Variants in ADK observed in about 807,000 individuals in gnomAD.
The protein encoded by ADK is adenosine kinase, also known as N6,N6-dimethyladenosine kinase.
A neutral mutation model predicts 44.7 loss-of-function variants in ADK; 24 were observed. The ratio of observed to expected loss-of-function variants is 0.54; its 90% CI spans 0.39 to 0.76. The LOEUF is 0.76. Ranked by LOEUF, ADK falls within the 30% of genes least tolerant of loss-of-function variation. The probability of loss-of-function intolerance (pLI) is 0.00; values close to 1 mark genes in which losing one functional copy is unlikely to be tolerated. For missense variants in ADK, 321 were observed against 425.1 expected, an observed-to-expected ratio of 0.76 and a Z score of 2.15; for synonymous variants, 128 against 142.6, an observed-to-expected ratio of 0.90 and a Z score of 0.73.
rs182715120 is a variant in ADK, at chr10:74,350,983, G to T, written c.273+36238G>T. Among the ~76,000 whole-genome samples the T allele has an allele frequency of 3.3e-5, 5 of 152,226 alleles. No individual in the cohort carries two copies. In the East Asian group the frequency reaches 9.7e-4, roughly 29 times the overall value. On this transcript the variant is annotated intron_variant, in intron 4 of 10. Coordinates refer to ENST00000539909, the MANE Select transcript of ADK (RefSeq NM_006721.4). ...CCCAGGACCATACAGATTCACATCC[G>T]AATTCTACCAGAGGTTCAAAGAGGA...
intron 3 of ADK, among the ~76,000 whole-genome samples, chr10:74,240,672 T>C (rs533762317): frequency 2.6e-5 from 4 of 152,196 alleles, no homozygotes; most frequent in African/African-American, 4.8e-5. Context: ...GAGAACCTAG[T>C]GTGTGATAAC....
chr10:74,296,140 T>TA lies in ADK; in HGVS notation c.195-18520dup, dbSNP rs1261035886. ...CTTACCCTAACCCTACAGTTGTTTT[T>TA]AAAAAAAGATTCTTGAGATGGATAC... On this transcript the variant is annotated intron_variant, in intron 3 of 10. Coordinates refer to ENST00000539909, the MANE Select transcript of ADK (RefSeq NM_006721.4). Among the ~76,000 whole-genome samples, 154 of 151,902 alleles carry TA rather than the reference T, an allele frequency of 1.0e-3. 1 individual carries two copies. Among genetic ancestry groups the TA allele is most frequent in the African/African-American group, 3.4e-3 (142 of 41,486 alleles).
intron 2 of ADK, among the ~76,000 whole-genome samples, chr10:74,217,625 T>G (rs1362738496): frequency 6.6e-6 from 1 of 152,036 alleles, no homozygotes; most frequent in African/African-American, 2.4e-5. Context: ...CACCCCCCAG[T>G]AGGAGCAGAC....
chr10:74,266,576 A>G (rs1407222332), intron 3 of ADK, among the ~76,000 whole-genome samples: 1 of 151,126 alleles, frequency 6.6e-6, no homozygotes, highest in Admixed American at 6.6e-5. Context: ...AAAAAAGAAG[A>G]AAAAAAAAGG....
chr10:74,554,265 T>A (rs1850154269), intron 7 of ADK, among the ~76,000 whole-genome samples: 1 of 152,172 alleles, frequency 6.6e-6, no homozygotes, highest in South Asian at 2.1e-4. Flanking sequence ...ATATGTGTAT[T>A]ACAAAGTATA....
At position 74,315,976 on chromosome 10, in the gene ADK, G is replaced by A. The variant is rs572388453; in HGVS notation, c.273+1231G>A. Among the ~76,000 whole-genome samples, 176 of 152,192 alleles carry A rather than the reference G, an allele frequency of 1.2e-3. 4 individuals carry two copies. The South Asian group carries it at 0.035, about 31-fold the overall frequency. On this transcript the variant is annotated intron_variant, in intron 4 of 10. Transcript: ENST00000539909. ...TTTACGGCCAGGCACGGTGGCTCAC[G>A]CCTGTAATCCCAGCACTTTGGGAAG...
intron 3 of ADK, among the ~76,000 whole-genome samples, chr10:74,238,494 T>A (rs905490227): frequency 2.6e-5 from 4 of 152,212 alleles, no homozygotes; most frequent in African/African-American, 9.7e-5. Context: ...TCTGGTATCG[T>A]AATTATTCCT....
chr10:74,558,148 CTTTATCA>C (rs1850329106), intron 7 of ADK, among the ~76,000 whole-genome samples: 1 of 152,116 alleles, frequency 6.6e-6, no homozygotes, highest in African/African-American at 2.4e-5. Flanking sequence ...TTCAGTTTCC[CTTTATCA>C]AAGGTCTATG....
chr10:74,448,092 G>C (rs915939042), intron 6 of ADK, among the ~76,000 whole-genome samples: 1 of 152,124 alleles, frequency 6.6e-6, no homozygotes, highest in African/African-American at 2.4e-5. Flanking sequence ...AGAATTGCTT[G>C]AACCCTGGAG....
chr10:74,295,932 A>T (rs1839794671), intron 3 of ADK, among the ~76,000 whole-genome samples: 1 of 152,060 alleles, frequency 6.6e-6, no homozygotes, highest in South Asian at 2.1e-4. Flanking sequence ...ATGACCTATC[A>T]TTTCTGCTAA....
chr10:74,644,636 C>T (rs1427872192), intron 9 of ADK, among the ~76,000 whole-genome samples: 1 of 152,154 alleles, frequency 6.6e-6, no homozygotes, highest in African/African-American at 2.4e-5. Flanking sequence ...TGGGCTGGAG[C>T]AGTGCTCCCG....
intron 4 of ADK, among the ~76,000 whole-genome samples, chr10:74,316,098 G>C (rs1356613501): frequency 6.6e-6 from 1 of 152,048 alleles, no homozygotes; most frequent in Non-Finnish European, 1.5e-5. Flanking sequence ...AAATTAGCCA[G>C]GTGTGGTGGC....
chr10:74,555,386 A>T (rs756136105), intron 7 of ADK, among the ~76,000 whole-genome samples: 1 of 152,214 alleles, frequency 6.6e-6, no homozygotes, highest in Non-Finnish European at 1.5e-5. Context: ...TCCAGCTAGC[A>T]GTGCCATAAG....
chr10:74,335,289 G>T (rs553499231), intron 4 of ADK, among the ~76,000 whole-genome samples: 1 of 151,976 alleles, frequency 6.6e-6, no homozygotes, highest in African/African-American at 2.4e-5. Flanking sequence ...GTTGCCATTG[G>T]CTGTGCCAAA....
At chr10:74,654,849 C>T (rs1854419709) in intron 9 of ADK, 1 of 152,484 alleles carries the variant, frequency 6.6e-6, no homozygotes, top group Non-Finnish European at 1.5e-5. Flanking sequence ...CAATATGGGC[C>T]CAGGGCCTGC....
At chr10:74,189,455 T>A (rs1842886304) in intron 1 of ADK, among the ~76,000 whole-genome samples, 1 of 152,262 alleles carries the variant, frequency 6.6e-6, no homozygotes, top group South Asian at 2.1e-4. Flanking sequence ...AATTCCGCTC[T>A]GCAATATTTT....
intron 7 of ADK, among the ~76,000 whole-genome samples, chr10:74,575,247 T>C (rs905099317): frequency 6.6e-6 from 1 of 152,220 alleles, no homozygotes; most frequent in Non-Finnish European, 1.5e-5. Context: ...GTATGTTAGA[T>C]GCTTTGAGGA....
intron 6 of ADK, among the ~76,000 whole-genome samples, chr10:74,465,505 AG>A (rs1846319594): frequency 6.6e-6 from 1 of 152,192 alleles, no homozygotes; most frequent in African/African-American, 2.4e-5. Context: ...ATATTTTAGT[AG>A]GGTTATTCTC....
chr10:74,286,797 T>C (rs1847180177), intron 3 of ADK, among the ~76,000 whole-genome samples: 2 of 152,224 alleles, frequency 1.3e-5, no homozygotes, highest in South Asian at 4.1e-4. Flanking sequence ...TCGCATGTAT[T>C]ATCACACTTA....
Sources: allele counts gnomAD v4.1 joint callset (sites outside exome capture counted in the v4.1 genomes callset), GRCh38; gene constraint gnomAD v4.1.1; transcripts MANE v1.5; gene names NCBI Gene and HGNC (gene_info 2026-07-23, HGNC 2026-07-21).